The following WWOX variants were observed in gnomAD, a reference collection of about 807,000 sequenced individuals.
WWOX encodes WW domain-containing oxidoreductase.
WWOX carries 69 observed loss-of-function variants against 46.2 expected under a neutral mutation model. The observed-to-expected ratio is 1.49, with a 90% CI of 1.23 to 1.82. WWOX has a LOEUF of 1.82. WWOX is among the 40% of genes most tolerant of loss of function. The pLI is 0.00. For synonymous variants in WWOX, 359 were observed against 202.6 expected (o/e 1.77, Z -6.56); for missense variants, 919 against 542.6 (o/e 1.69, Z -6.89).
rs150343339 is a variant in WWOX at position 78,964,403 on chromosome 16, C to T, written c.1057-247205C>T. ...ACAGGTGACTCTTGTTATGTTTTAA[C>T]AAAGAGACTGGCAGCATTTTGCCCC... On this transcript the variant is annotated intron_variant, in intron 8 of 8. Transcript: ENST00000566780. 1.2e-4 allele frequency among the ~76,000 whole-genome samples: 19 copies of T among 152,212 alleles called. No homozygotes were observed. In the East Asian group the frequency reaches 2.7e-3, roughly 22 times the overall value.
chr16:78,773,449 C>G (rs903187697), intron 8 of WWOX, among the ~76,000 whole-genome samples: 2 of 152,190 alleles, frequency 1.3e-5, no homozygotes, highest in South Asian at 4.1e-4. Flanking sequence ...CGGGACATTC[C>G]TCCCTCATTT....
intron 8 of WWOX, among the ~76,000 whole-genome samples, chr16:78,609,311 C>T (rs192038950): frequency 5.3e-4 from 80 of 152,058 alleles, no homozygotes; most frequent in African/African-American, 1.7e-3. Context: ...TCTTTGATAA[C>T]CTCATTTTCA....
chr16:78,329,036 T>C (rs1365880415), intron 5 of WWOX, among the ~76,000 whole-genome samples: 3 of 152,022 alleles, frequency 2.0e-5, no homozygotes, highest in Non-Finnish European at 4.4e-5. Context: ...TGATTTTCTT[T>C]TTTTTCGTAG....
chr16:78,824,861 A>G (rs1209105777), intron 8 of WWOX, among the ~76,000 whole-genome samples: 2 of 152,174 alleles, frequency 1.3e-5, no homozygotes, highest in African/African-American at 4.8e-5. Flanking sequence ...GTCCTAGGCA[A>G]CTTTGTGTGA....
chr16:78,784,191 A>G (rs1321088571), intron 8 of WWOX, among the ~76,000 whole-genome samples: 1 of 152,176 alleles, frequency 6.6e-6, no homozygotes, highest in African/African-American at 2.4e-5. Context: ...CACATCATTC[A>G]ATCACTCAAC....
At chr16:78,850,144 G>A (rs1454846281) in intron 8 of WWOX, among the ~76,000 whole-genome samples, 1 of 151,760 alleles carries the variant, frequency 6.6e-6, no homozygotes, top group South Asian at 2.1e-4. Context: ...ACCAGTTTCT[G>A]TGTGTGTGAG....
rs568730455 is a variant in WWOX, at chr16:78,330,939, C to T, written c.517-55921C>T. On this transcript the variant is annotated intron_variant, in intron 5 of 8. Transcript: ENST00000566780. ...TCTCCACTTTATTTTTAAACACAAC[C>T]TCATAATACAAATAATCTAGTCTTT... is the stretch of plus-strand genomic sequence containing the variant. Among the ~76,000 whole-genome samples, 4 of 152,256 alleles carry T rather than the reference C, an allele frequency of 2.6e-5. No individual in the cohort carries two copies. The South Asian group carries it at 8.3e-4, about 32-fold the overall frequency.
intron 5 of WWOX, among the ~76,000 whole-genome samples, chr16:78,175,614 G>T (rs918922122): frequency 6.6e-6 from 1 of 152,172 alleles, no homozygotes; most frequent in Non-Finnish European, 1.5e-5. Context: ...CCATGTATAT[G>T]ATCCCCCTTG....
chr16:78,790,424 C>T (rs146563161), intron 8 of WWOX, among the ~76,000 whole-genome samples: 78 of 152,238 alleles, frequency 5.1e-4, no homozygotes, highest in African/African-American at 1.8e-3. Context: ...TGTGAGCCAC[C>T]GTGCCCAGCT....
At chr16:78,673,086 C>G (rs1000078411) in intron 8 of WWOX, among the ~76,000 whole-genome samples, 2 of 152,134 alleles carry the variant, frequency 1.3e-5, no homozygotes, top group African/African-American at 4.8e-5. Flanking sequence ...TTAGAGGGCT[C>G]AGAGGGAAAT....
chr16:78,753,443 A>G (rs140004756), intron 8 of WWOX, among the ~76,000 whole-genome samples: 42 of 152,266 alleles, frequency 2.8e-4, no homozygotes, highest in African/African-American at 7.5e-4. Context: ...GTCTTAAGAT[A>G]CTTCTCAGTT....
chr16:78,279,704 A>C (rs1050259527), intron 5 of WWOX, among the ~76,000 whole-genome samples: 2 of 152,242 alleles, frequency 1.3e-5, no homozygotes, highest in Non-Finnish European at 2.9e-5. Flanking sequence ...AATCCAGTGT[A>C]GTAGATTGGT....
chr16:78,867,728 C>T (rs1355857272), intron 8 of WWOX, among the ~76,000 whole-genome samples: 1 of 151,944 alleles, frequency 6.6e-6, no homozygotes, highest in East Asian at 1.9e-4. Context: ...TTCTTAAAGT[C>T]CTACAACTGG....
At chr16:78,722,268 G>C (rs1327094420) in intron 8 of WWOX, among the ~76,000 whole-genome samples, 2 of 152,158 alleles carry the variant, frequency 1.3e-5, no homozygotes, top group African/African-American at 4.8e-5. Context: ...TTCAGTCCTA[G>C]CTCTGGCGCT....
At chr16:78,326,443 T>A (rs1479812286) in intron 5 of WWOX, among the ~76,000 whole-genome samples, 1 of 151,974 alleles carries the variant, frequency 6.6e-6, no homozygotes, top group Non-Finnish European at 1.5e-5. Flanking sequence ...GGGTTGAACG[T>A]TGTTATCGCG....
intron 8 of WWOX, among the ~76,000 whole-genome samples, chr16:78,446,481 C>T (rs1206644931): frequency 6.6e-6 from 1 of 152,078 alleles, no homozygotes; most frequent in South Asian, 2.1e-4. Flanking sequence ...GCATTTCTGT[C>T]ACATCCCAGG....
intron 6 of WWOX, among the ~76,000 whole-genome samples, chr16:78,419,867 T>G (rs914102681): frequency 6.6e-6 from 1 of 151,972 alleles, no homozygotes; most frequent in Non-Finnish European, 1.5e-5. Flanking sequence ...ACCTACAGAA[T>G]GGGGGAAATA....
chr16:78,599,572 C>T (rs1206497777), intron 8 of WWOX, among the ~76,000 whole-genome samples: 2 of 152,170 alleles, frequency 1.3e-5, no homozygotes, highest in Non-Finnish European at 2.9e-5. Context: ...TTCCAGGCCT[C>T]CCCACTTAAT....
chr16:78,559,386 C>G (rs944493009), intron 8 of WWOX, among the ~76,000 whole-genome samples: 2 of 152,158 alleles, frequency 1.3e-5, no homozygotes, highest in Non-Finnish European at 2.9e-5. Context: ...TGGATATAGA[C>G]TAAGACATGC....
Sources: gnomAD v4.1 joint callset for allele counts (sites outside exome capture counted in the v4.1 genomes callset) on GRCh38, gnomAD v4.1.1 for gene constraint, MANE v1.5 for transcripts, NCBI Gene and HGNC (gene_info 2026-07-23, HGNC 2026-07-21) for gene names.